Variants in KCNC2 observed in about 807,000 individuals in gnomAD.
The protein encoded by KCNC2 is voltage-gated potassium channel KCNC2.
Under a neutral mutation model 44.5 loss-of-function variants are expected in KCNC2, and 21 were observed. The ratio of observed to expected loss-of-function variants is 0.47; its 90% CI spans 0.33 to 0.68. KCNC2 has a LOEUF of 0.68. Among genes scored for constraint, KCNC2 ranks in the 30% least tolerant of loss-of-function variants. KCNC2 has a pLI of 0.01. For synonymous variants in KCNC2, 391 were observed against 339.1 expected (o/e 1.15, Z -1.68); for missense variants, 589 against 826.2 (o/e 0.71, Z 3.52).
At chr12:75,149,473 G>T (rs1191645834) in intron 2 of KCNC2, among the ~76,000 whole-genome samples, 1 of 151,644 alleles carries the variant, frequency 6.6e-6, no homozygotes, top group Non-Finnish European at 1.5e-5. Flanking sequence ...AAAATTTCAG[G>T]TTAAGCTGAA....
intron 2 of KCNC2, among the ~76,000 whole-genome samples, chr12:75,074,518 A>C (rs1200338260): frequency 6.6e-6 from 1 of 152,102 alleles, no homozygotes; most frequent in African/African-American, 2.4e-5. Context: ...TCAAAGCAAA[A>C]ACTGCATTAA....
At chr12:75,085,090 TG>T (rs1486072841) in intron 2 of KCNC2, among the ~76,000 whole-genome samples, 1 of 152,028 alleles carries the variant, frequency 6.6e-6, no homozygotes. Flanking sequence ...AGCATCATTC[TG>T]CTATATACAG....
At chr12:75,195,617 T>C (rs2030692254) in intron 2 of KCNC2, among the ~76,000 whole-genome samples, 1 of 152,130 alleles carries the variant, frequency 6.6e-6, no homozygotes, top group Admixed American at 6.6e-5. Context: ...ACTTCATTCC[T>C]CTTGCTGCTG....
chr12:75,067,876 G>A (rs1882993527), intron 2 of KCNC2, among the ~76,000 whole-genome samples: 1 of 150,254 alleles, frequency 6.7e-6, no homozygotes, highest in African/African-American at 2.5e-5. Context: ...AACTCTTAGG[G>A]CAAAAAAAAA....
At chr12:75,188,106 G>A (rs1056528408) in intron 2 of KCNC2, among the ~76,000 whole-genome samples, 2 of 152,138 alleles carry the variant, frequency 1.3e-5, no homozygotes, top group African/African-American at 4.8e-5. Flanking sequence ...CTTAGCCCTA[G>A]GACCACAGAA....
intron 2 of KCNC2, among the ~76,000 whole-genome samples, chr12:75,183,433 CACA>C (rs1353032437): frequency 2.0e-5 from 3 of 152,200 alleles, no homozygotes; most frequent in South Asian, 4.2e-4. Flanking sequence ...AATGTACAAG[CACA>C]ACAACAACAA....
chr12:75,192,769 A>G (rs2030407059), intron 2 of KCNC2, among the ~76,000 whole-genome samples: 1 of 152,224 alleles, frequency 6.6e-6, no homozygotes, highest in South Asian at 2.1e-4. Context: ...ATAGAGAAAT[A>G]CATCATTGTA....
intron 2 of KCNC2, among the ~76,000 whole-genome samples, chr12:75,196,715 A>C (rs1247642308): frequency 6.6e-6 from 1 of 152,134 alleles, no homozygotes; most frequent in Non-Finnish European, 1.5e-5. Context: ...ACACTAATAC[A>C]CTAATTAGCT....
intron 2 of KCNC2, among the ~76,000 whole-genome samples, chr12:75,106,223 A>G (rs1436623005): frequency 6.6e-6 from 1 of 152,182 alleles, no homozygotes; most frequent in Admixed American, 6.5e-5. Flanking sequence ...GTGAACTTGA[A>G]AAGAGCAGTC....
chr12:75,106,529 C>T (rs1886798670), intron 2 of KCNC2, among the ~76,000 whole-genome samples: 1 of 152,000 alleles, frequency 6.6e-6, no homozygotes, highest in South Asian at 2.1e-4. Context: ...GCATTATTAC[C>T]TTGCAGGGAG....
At chr12:75,189,418 T>TGTG (rs1447222528) in intron 2 of KCNC2, among the ~76,000 whole-genome samples, 1 of 152,184 alleles carries the variant, frequency 6.6e-6, no homozygotes, top group Non-Finnish European at 1.5e-5. Context: ...TTACAGTTGC[T>TGTG]TCCCTTGGAG....
At chr12:75,165,820 C>T (rs767798118) in intron 2 of KCNC2, among the ~76,000 whole-genome samples, 3 of 151,374 alleles carry the variant, frequency 2.0e-5, no homozygotes, top group African/African-American at 7.3e-5. Context: ...ACTAATATTT[C>T]AAGTAACAGA....
Position 75,176,232 on chromosome 12 carries a change from T to C in KCNC2, c.687+31065A>G, listed in dbSNP as rs374444515. Among the ~76,000 whole-genome samples, 29 of 152,166 alleles carry C rather than the reference T, an allele frequency of 1.9e-4. No individual in the cohort carries two copies. In the East Asian group the frequency reaches 5.4e-3, roughly 29 times the overall value. ...TGGTATATATTCTCATTACTCTACATATTGCCCTAAGCACTGTCATCCACT... is the reference window on the plus strand; with the variant it reads ...TGGTATATATTCTCATTACTCTACACATTGCCCTAAGCACTGTCATCCACT... On this transcript the variant is annotated intron_variant, in intron 2 of 4. Transcript: ENST00000549446.
intron 2 of KCNC2, among the ~76,000 whole-genome samples, chr12:75,194,162 C>T (rs1175530198): frequency 1.3e-5 from 2 of 152,052 alleles, no homozygotes; most frequent in Non-Finnish European, 2.9e-5. Flanking sequence ...TACCCCAAAC[C>T]TCAGAATTAA....
intron 2 of KCNC2, among the ~76,000 whole-genome samples, chr12:75,190,756 C>G (rs188299630): frequency 2.5e-4 from 38 of 151,802 alleles, no homozygotes; most frequent in African/African-American, 8.7e-4. Flanking sequence ...CAAATTGACT[C>G]CAGAGAAAAT....
At chr12:75,083,736 A>G (rs1466619546) in intron 2 of KCNC2, among the ~76,000 whole-genome samples, 3 of 151,950 alleles carry the variant, frequency 2.0e-5, no homozygotes, top group Non-Finnish European at 4.4e-5. Flanking sequence ...ATGAATTGCC[A>G]TATTTGTAAC....
chr12:75,186,022 G>C (rs1342115533), intron 2 of KCNC2, among the ~76,000 whole-genome samples: 4 of 149,460 alleles, frequency 2.7e-5, no homozygotes, highest in Non-Finnish European at 5.9e-5. Flanking sequence ...CTCCAGCCTG[G>C]GTGACAAGAG....
chr12:75,060,565 A>G (rs138746368), intron 2 of KCNC2, among the ~76,000 whole-genome samples: 77 of 152,200 alleles, frequency 5.1e-4, no homozygotes, highest in African/African-American at 1.6e-3. Flanking sequence ...TCCTGGGCTC[A>G]AGCAATTCTC....
chr12:75,134,363 T>TACG (rs2137361790), intron 2 of KCNC2, among the ~76,000 whole-genome samples: 1 of 152,128 alleles, frequency 6.6e-6, no homozygotes, highest in African/African-American at 2.4e-5. Context: ...ACATGATTAA[T>TACG]ACATATGTGC....
Sources: allele counts gnomAD v4.1 joint callset (sites outside exome capture counted in the v4.1 genomes callset), GRCh38; gene constraint gnomAD v4.1.1; transcripts MANE v1.5; gene names NCBI Gene and HGNC (gene_info 2026-07-23, HGNC 2026-07-21).